Variants in ADCY10 observed in about 807,000 individuals in gnomAD.
ADCY10 encodes the protein adenylate cyclase 10, also known as adenylate cyclase type 10.
In ADCY10, 156 loss-of-function variants were observed where a neutral mutation model predicts 183.3. The observed-to-expected ratio is 0.85, with a 90% CI of 0.75 to 0.97. The LOEUF is 0.97. Among genes scored for constraint, ADCY10 ranks in the 50% least tolerant of loss-of-function variants. ADCY10 has a pLI of 0.00. For missense variants in ADCY10, 1,745 were observed against 1,934.3 expected, an observed-to-expected ratio of 0.90 and a Z score of 1.84; for synonymous variants, 645 against 670.0, an observed-to-expected ratio of 0.96 and a Z score of 0.58.
intron 9 of ADCY10, among the ~76,000 whole-genome samples, 179 bp downstream of exon 9, chr1:167,883,258 G>T (rs950691638): frequency 6.6e-6 from 1 of 152,160 alleles, no homozygotes; most frequent in Non-Finnish European, 1.5e-5. Flanking sequence ...GTCTGGTCTT[G>T]AACTCCTGAC....
At chr1:167,843,841 AC>A (rs1331071054) in intron 21 of ADCY10, among the ~76,000 whole-genome samples, 2 of 152,160 alleles carry the variant, frequency 1.3e-5, no homozygotes, top group Admixed American at 1.3e-4. Flanking sequence ...GATGAAGTAA[AC>A]AACCCACTTG....
In ADCY10 at chr1:167,824,773, G is replaced by T. The variant is rs1043496853; in HGVS notation, c.3833C>A (p.Ala1278Asp). ...GGGGAGGTTGAAGATGTGCTCCATG[G>T]CCATGACTTCATATTTGAACCACAC... ...KGVWFKYEVM[A>D]MEHIFNLPLK... Residue 1278 changes from alanine to aspartate, a missense_variant, in exon 27 of 33, where the codon GCC becomes GAC. By Grantham distance (126) the Ala-to-Asp change is moderately radical (BLOSUM62 -2). Coordinates refer to ENST00000367851, the MANE Select transcript of ADCY10 (RefSeq NM_018417.6). 2.0e-5 allele frequency: 33 copies of T among 1,614,104 alleles called. No individual in the cohort carries two copies. Among genetic ancestry groups the T allele is most frequent in the Non-Finnish European group, 2.7e-5 (32 of 1,180,042 alleles).
Position 167,829,167 on chromosome 1 carries a change from A to G in ADCY10, c.3750+100T>C, listed in dbSNP as rs1014852730. 7.1e-6 allele frequency: 10 copies of G among 1,413,730 alleles called. No individual in the cohort carries two copies. In the African/African-American group the frequency reaches 1.4e-4, roughly 20 times the overall value. The allele number at this position is 1,413,730 out of a possible 1,614,324, so 87.6% of individuals were successfully genotyped here. The stretch of plus-strand genomic sequence containing the variant: ...CAAGCCAATCAGAAAGCCTTCTATT[A>G]TTATATCCTCAGAATTTTGAATCCT... On this transcript the variant is annotated intron_variant, in intron 26 of 32. Transcript: ENST00000367851.
intron 18 of ADCY10, among the ~76,000 whole-genome samples, chr1:167,852,462 C>T (rs1665571573): frequency 1.3e-5 from 2 of 151,686 alleles, no homozygotes; most frequent in South Asian, 2.1e-4. Context: ...AAGCTCATAA[C>T]GGATACTACA....
chr1:167,840,052 A>AT (rs1307096324), intron 21 of ADCY10, among the ~76,000 whole-genome samples: 10 of 145,740 alleles, frequency 6.9e-5, no homozygotes, highest in Admixed American at 1.3e-4. Flanking sequence ...AGACCTGTCT[A>AT]TAAAAAAAAA....
At chr1:167,904,726 A>T in intron 2 of ADCY10, 2 of 610,106 alleles carry the variant, frequency 3.3e-6, no homozygotes, top group South Asian at 4.0e-5. Context: ...TGAGTCAGTG[A>T]AGTTGGGGCA....
intron 14 of ADCY10, 107 bp downstream of exon 14, chr1:167,870,150 G>T: frequency 8.2e-7 from 1 of 1,226,224 alleles, no homozygotes; most frequent in Non-Finnish European, 1.2e-6. Context: ...TCCAATAATT[G>T]TAGGTTATAG....
chr1:167,885,848 T>G (rs1668186241), intron 8 of ADCY10, among the ~76,000 whole-genome samples: 1 of 152,174 alleles, frequency 6.6e-6, no homozygotes, highest in Non-Finnish European at 1.5e-5. Context: ...ACTCCTGATC[T>G]CGTGACTTGC....
Position 167,824,548 on chromosome 1 carries a change from G to A in ADCY10, c.3980C>T (p.Ala1327Val). Residue 1327 changes from alanine to valine, a missense_variant, in exon 28 of 33, where the codon GCA becomes GTA. Coordinates refer to ENST00000367851, the MANE Select transcript of ADCY10 (RefSeq NM_018417.6). ...ATGTCGGTTGGGATTCTGGAGCAGT[G>A]CCCACATCTGAAGGGCTCGGGAGCC... ...ELGSRALQMW[A>V]LLQNPNRHYQ... is the part of the protein sequence containing the mutation. The A allele has an allele frequency of 6.2e-7, 1 of 1,614,184 alleles. No homozygotes were observed.
chr1:167,822,994 A>T lies in ADCY10; in HGVS notation c.4168+14T>A. ...ACACCCCCAAGTTCTTTTACATCCC[A>T]AACCCACACTTACCAGAATAAAGCA... On this transcript the variant is annotated intron_variant, in intron 29 of 32. Transcript: ENST00000367851. 6.2e-7 allele frequency: 1 copy of T among 1,612,138 alleles called. No individual in the cohort carries two copies.
intron 13 of ADCY10, among the ~76,000 whole-genome samples, chr1:167,874,309 C>A (rs1271581057): frequency 6.6e-6 from 1 of 151,996 alleles, no homozygotes; most frequent in African/African-American, 2.4e-5. Flanking sequence ...CCAGCCTGGG[C>A]AACAGAGTGA....
chr1:167,812,632 G>A (rs903123663), intron 31 of ADCY10, among the ~76,000 whole-genome samples: 1 of 152,182 alleles, frequency 6.6e-6, no homozygotes, highest in Non-Finnish European at 1.5e-5. Context: ...AGGAAAGCAT[G>A]GCTCATCCCA....
chr1:167,853,830 C>CTTTTTTTTT lies in ADCY10; in HGVS notation c.2308+514_2308+522dup, dbSNP rs538462140. ...TGTTCTTTCATTTCTACTATAGTTACTTTTTTTTTTTTTTTTTTTTTTTTT... is the reference window on the plus strand; with the variant it reads ...TGTTCTTTCATTTCTACTATAGTTACTTTTTTTTTTTTTTTTTTTTTTTTTTTTTTTTTT... On this transcript the variant is annotated intron_variant, in intron 18 of 32. Coordinates refer to ENST00000367851, the MANE Select transcript of ADCY10 (RefSeq NM_018417.6). Among the ~76,000 whole-genome samples the CTTTTTTTTT allele has an allele frequency of 1.3e-3, 101 of 77,186 alleles. 13 individuals carry two copies. The highest frequency in any genetic ancestry group is 4.5e-3 in the African/African-American group (82 of 18,128). The allele number at this position is 77,186 out of a possible 152,430, so 50.6% of individuals were successfully genotyped here. A position where few individuals can be genotyped will look rare whatever the true frequency, so the allele number is the denominator to read the frequency against.
intron 26 of ADCY10, among the ~76,000 whole-genome samples, chr1:167,828,162 G>A (rs1217464124): frequency 1.3e-5 from 2 of 152,180 alleles, no homozygotes; most frequent in Non-Finnish European, 2.9e-5. Context: ...GCAGAAAACT[G>A]ATATTAATAT....
At chr1:167,902,463 G>C (rs1479995316) in intron 3 of ADCY10, among the ~76,000 whole-genome samples, 1 of 152,356 alleles carries the variant, frequency 6.6e-6, no homozygotes, top group Middle Eastern at 3.4e-3. Context: ...CTAGGAGTCA[G>C]GGAATGGGAA....
intron 14 of ADCY10, among the ~76,000 whole-genome samples, chr1:167,863,955 C>T (rs906215231): frequency 6.6e-6 from 1 of 152,158 alleles, no homozygotes; most frequent in African/African-American, 2.4e-5. Flanking sequence ...AATTACTTGA[C>T]AGGACTGGTC....
intron 8 of ADCY10, 24 bp from the exon 9 acceptor site, chr1:167,883,652 T>C (rs753298539): frequency 3.1e-6 from 5 of 1,613,600 alleles, no homozygotes; most frequent in Non-Finnish European, 3.4e-6. Flanking sequence ...AGCAGCTTTC[T>C]GTAGGTGTCC....
At chr1:167,840,029 G>A (rs1664497389) in intron 21 of ADCY10, among the ~76,000 whole-genome samples, 1 of 150,508 alleles carries the variant, frequency 6.6e-6, no homozygotes, top group African/African-American at 2.5e-5. Flanking sequence ...AGACTAGCTT[G>A]GGCAACATGG....
At chr1:167,897,997 C>CAAAAAAAAAAA (rs1163013935) in intron 6 of ADCY10, among the ~76,000 whole-genome samples, 8 of 17,390 alleles carry the variant, frequency 4.6e-4, no homozygotes, top group African/African-American at 2.5e-3. Flanking sequence ...GACTCTGTCT[C>CAAAAAAAAAAA]AAAAAAAAAA....
Sources: gnomAD v4.1 joint callset for allele counts (sites outside exome capture counted in the v4.1 genomes callset) on GRCh38, gnomAD v4.1.1 for gene constraint, MANE v1.5 for transcripts, NCBI Gene and HGNC (gene_info 2026-07-23, HGNC 2026-07-21) for gene names.